The following SMAP2 variants were observed in gnomAD, a reference collection of about 807,000 sequenced individuals.
The protein encoded by SMAP2 is stromal membrane-associated protein 2.
A neutral mutation model predicts 56.4 loss-of-function variants in SMAP2; 25 were observed. The ratio of observed to expected loss-of-function variants is 0.44; its 90% CI spans 0.32 to 0.62. The LOEUF (loss-of-function observed/expected upper bound fraction) is 0.62, where lower values mean the gene tolerates loss of function less well. Ranked by LOEUF, SMAP2 falls within the 20% of genes least tolerant of loss-of-function variation. The probability of loss-of-function intolerance (pLI) is 0.04; values close to 1 mark genes in which losing one functional copy is unlikely to be tolerated. For missense variants in SMAP2, 388 were observed against 545.6 expected (o/e 0.71, Z 2.88); for synonymous variants, 157 against 181.7 (o/e 0.86, Z 1.09).
intron 1 of SMAP2, among the ~76,000 whole-genome samples, chr1:40,405,231 G>A (rs1223108822): frequency 6.6e-6 from 1 of 152,192 alleles, no homozygotes; most frequent in Non-Finnish European, 1.5e-5. Context: ...GCTCACACCT[G>A]TAATCCCAGC....
chr1:40,402,744 G>A (rs72950022), intron 1 of SMAP2, among the ~76,000 whole-genome samples: 3,609 of 152,202 alleles, frequency 0.024, 59 homozygotes, highest in African/African-American at 0.043. Context: ...CTAGAACACC[G>A]ATTTACTCTC....
At chr1:40,387,911 G>C (rs954320408) in intron 1 of SMAP2, among the ~76,000 whole-genome samples, 1 of 150,080 alleles carries the variant, frequency 6.7e-6, no homozygotes, top group Non-Finnish European at 1.5e-5. Flanking sequence ...CTGGAGTTCC[G>C]GGTGGGCATG....
intron 2 of SMAP2, among the ~76,000 whole-genome samples, chr1:40,365,576 C>T (rs1260040630): frequency 1.3e-5 from 2 of 152,186 alleles, no homozygotes; most frequent in Non-Finnish European, 2.9e-5. Flanking sequence ...TCTACAGCTC[C>T]CAGCGTGACC....
Position 40,374,460 on chromosome 1 carries a change from A to C in SMAP2, c.103+237A>C, listed in dbSNP as rs374308776. 2.6e-5 allele frequency among the ~76,000 whole-genome samples: 4 copies of C among 151,888 alleles called. No homozygotes were observed. Among genetic ancestry groups the C allele is most frequent in the Non-Finnish European group, 1.5e-5 (1 of 67,976 alleles). On this transcript the variant is annotated intron_variant, in intron 1 of 9. Coordinates refer to ENST00000372718, the MANE Select transcript of SMAP2 (RefSeq NM_022733.3). The surrounding 1 kb of genome is among the most constrained non-coding windows in gnomAD (Gnocchi z 5.9). ...GGGTGGAGGTGATGGTGCGGGTGGA[A>C]GTTGCCTGGCGTGTTCAGGTGAGAA...
At chr1:40,344,997 T>C (rs56833146) in intron 1 of SMAP2, 1 of 152,136 alleles carries the variant, frequency 6.6e-6, no homozygotes, top group African/African-American at 2.4e-5. Context: ...TTTCTTTCTT[T>C]CTTTCATCAG....
upstream of SMAP2, among the ~76,000 whole-genome samples, chr1:40,370,712 A>C (rs146247109): frequency 4.4e-5 from 4 of 91,330 alleles, no homozygotes; most frequent in African/African-American, 1.5e-4. Context: ...GTGGTGGGGT[A>C]GGGGGAGGGG....
Position 40,374,661 on chromosome 1 carries a change from A to G in SMAP2, c.103+438A>G. 2.6e-6 allele frequency: 4 copies of G among 1,545,022 alleles called. No individual in the cohort carries two copies. Among genetic ancestry groups the G allele is most frequent in the Non-Finnish European group, 3.5e-6 (4 of 1,144,678 alleles). ...AGAGAGAATGACGAGGAGGAGGAGG[A>G]GGGAAGTGAGATGGCGGAAAGGAAA... On this transcript the variant is annotated intron_variant, in intron 1 of 9. Transcript: ENST00000372718. This position sits in a 1 kb window ranked among gnomAD's most constrained non-coding sequence, Gnocchi z 5.9.
Position 40,409,821 on chromosome 1 carries a change from A to G in SMAP2, c.388A>G (p.Ile130Val). Residue 130 changes from isoleucine (I) to valine (V), a missense_variant, in exon 4 of 10, where the codon ATC (isoleucine) becomes GTC (valine). By Grantham distance (29) the Ile-to-Val change is conservative. Transcript: ENST00000372718. ...GAAATACATGGACCGAAGTCTGGAC[A>G]TCAATGCCTTTAGGGTTGGTTATAC... ...KKKYMDRSLD[I>V]NAFRKEKDDK... 6.2e-7 allele frequency: 1 copy of G among 1,610,632 alleles called. No individual in the cohort carries two copies. The highest frequency in any genetic ancestry group is 8.5e-7 in the Non-Finnish European group (1 of 1,176,758).
Position 40,374,689 on chromosome 1 carries a change from T to C in SMAP2, c.103+466T>C. 6.5e-7 allele frequency: 1 copy of C among 1,550,070 alleles called. No individual in the cohort carries two copies. The highest frequency in any genetic ancestry group is 8.7e-7 in the Non-Finnish European group (1 of 1,146,934). On this transcript the variant is annotated intron_variant, in intron 1 of 9. Transcript: ENST00000372718. The surrounding 1 kb of genome is among the most constrained non-coding windows in gnomAD (Gnocchi z 5.9). ...GAAGTGAGATGGCGGAAAGGAAAAC[T>C]GCTTAAATGATTTTTAAAGGTGGTG... is the stretch of plus-strand genomic sequence containing the variant.
intron 1 of SMAP2, chr1:40,396,884 A>G: frequency 2.0e-6 from 2 of 978,822 alleles, no homozygotes; most frequent in Non-Finnish European, 2.4e-6. Flanking sequence ...TAATGAGTGG[A>G]ACTGAGGTAA....
chr1:40,356,407 T>TG (rs932223899), intron 1 of SMAP2, among the ~76,000 whole-genome samples: 44 of 150,346 alleles, frequency 2.9e-4, no homozygotes, highest in Admixed American at 4.6e-4. Context: ...GGTTTTTTGT[T>TG]TTTTTTTGTT....
intron 7 of SMAP2, 79 bp downstream of exon 7, chr1:40,415,460 A>G (rs1255176707): frequency 4.2e-6 from 4 of 952,594 alleles, no homozygotes; most frequent in Non-Finnish European, 5.1e-6. Flanking sequence ...GAACCACGTC[A>G]TGCTTCCTTG....
chr1:40,422,144 T>C lies in SMAP2; in HGVS notation c.*43T>C, dbSNP rs1197380503. The C allele has an allele frequency of 6.2e-7, 1 of 1,609,338 alleles. No homozygotes were observed. The highest frequency in any genetic ancestry group is 8.5e-7 in the Non-Finnish European group (1 of 1,178,438). ...GGCTGCCATTCTCTTCAGCCCTCGC[T>C]CTCCCCTTTCCACAGCCTCCACCCC... is the stretch of plus-strand genomic sequence containing the variant. On this transcript the variant is annotated 3_prime_UTR_variant, in exon 10 of 10. Transcript: ENST00000372718.
intron 1 of SMAP2, among the ~76,000 whole-genome samples, chr1:40,378,940 G>A (rs149626643): frequency 1.7e-3 from 251 of 151,492 alleles, no homozygotes; most frequent in African/African-American, 4.8e-3. Flanking sequence ...TTTTCACTCC[G>A]TGGAAGTAAC....
intron 1 of SMAP2, among the ~76,000 whole-genome samples, chr1:40,354,208 A>G (rs901691814): frequency 2.0e-5 from 3 of 152,168 alleles, no homozygotes; most frequent in African/African-American, 7.2e-5. Context: ...AAGCAGAGAA[A>G]AATCCAGAGG....
intron 9 of SMAP2, among the ~76,000 whole-genome samples, chr1:40,420,835 A>G (rs978250708): frequency 6.6e-6 from 1 of 152,234 alleles, no homozygotes; most frequent in Non-Finnish European, 1.5e-5. Flanking sequence ...TGTCAGTGTC[A>G]GGAAGAAATG....
rs35913943 is a variant in SMAP2 at position 40,393,541 on chromosome 1, C to CTTTTTTT, written c.104-13179_104-13173dup. 7 of 812,074 alleles carry CTTTTTTT rather than the reference C, an allele frequency of 8.6e-6. No homozygotes were observed. The African/African-American group carries it at 1.6e-4, about 19-fold the overall frequency. 50.3% of individuals were successfully genotyped at this position (812,074 alleles called of 1,614,324 possible). ...AACAAAGTGTAAGTAGTTCTTCTAA[C>CTTTTTTT]TTTTTTTTTTTTTTTTTTTTTTGTG... On this transcript the variant is annotated intron_variant, in intron 1 of 9. Transcript: ENST00000372718.
rs528829688 is a variant in SMAP2, at chr1:40,383,083, G to A, written c.103+8860G>A. On this transcript the variant is annotated intron_variant, in intron 1 of 9. Coordinates refer to ENST00000372718, the MANE Select transcript of SMAP2 (RefSeq NM_022733.3). ...TTATAAGCAGAGGGAATTTAAAATA[G>A]GGAGTAGGTTACAAGGCTGCTAGAA... Among the ~76,000 whole-genome samples the A allele has an allele frequency of 5.9e-5, 9 of 152,310 alleles. No homozygotes were observed. The South Asian group carries it at 1.2e-3, about 21-fold the overall frequency.
chr1:40,403,234 G>A (rs914632436), intron 1 of SMAP2, among the ~76,000 whole-genome samples: 6 of 152,160 alleles, frequency 3.9e-5, no homozygotes, highest in African/African-American at 9.7e-5. Flanking sequence ...GGCTGAGCGC[G>A]GTGGCTCACG....
Sources: allele counts gnomAD v4.1 joint callset (sites outside exome capture counted in the v4.1 genomes callset), GRCh38; gene constraint gnomAD v4.1.1; non-coding constraint Gnocchi (gnomAD v3.1); transcripts MANE v1.5; gene names NCBI Gene and HGNC (gene_info 2026-07-23, HGNC 2026-07-21).